The following ZNF438 variants were observed in gnomAD, a reference collection of about 807,000 sequenced individuals.
The protein encoded by ZNF438 is zinc finger protein 438.
A neutral mutation model predicts 38.0 loss-of-function variants in ZNF438; 25 were observed. That is an observed-to-expected ratio of 0.66 (90% CI 0.48 to 0.92). The LOEUF is 0.92. Ranked by LOEUF, ZNF438 falls within the 40% of genes least tolerant of loss-of-function variation. ZNF438 has a pLI of 0.00. For synonymous variants in ZNF438, 372 were observed against 364.1 expected, an observed-to-expected ratio of 1.02 and a Z score of -0.25; for missense variants, 1,007 against 999.6, an observed-to-expected ratio of 1.01 and a Z score of -0.10.
intron 1 of ZNF438, among the ~76,000 whole-genome samples, chr10:30,967,564 GAATA>G (rs1050617178): frequency 2.5e-4 from 38 of 152,276 alleles, no homozygotes; most frequent in Non-Finnish European, 3.8e-4. Flanking sequence ...AACTACGAAT[GAATA>G]GATTCAAAAA....
chr10:30,921,115 T>C (rs953512452), intron 2 of ZNF438: 4 of 152,228 alleles, frequency 2.6e-5, no homozygotes, highest in African/African-American at 9.6e-5. Context: ...ATGCCCAAGA[T>C]TCTATTTACT....
rs12268981 is a variant in ZNF438, at chr10:31,003,729, T to C, written c.-192+28104A>G. Among the ~76,000 whole-genome samples, 715 of 152,306 alleles carry C rather than the reference T, an allele frequency of 4.7e-3. 8 individuals are homozygous for C. The highest frequency in any genetic ancestry group is 0.016 in the African/African-American group (674 of 41,568). ...ACAGTAGCCTCTTAACTGGTCTTCC[T>C]GCTTTCAGTCTTCCAAGTCATAGTC... On this transcript the variant is annotated intron_variant, in intron 1 of 5. Transcript: ENST00000413025.
At chr10:30,847,062 G>A (rs1221870211) in intron 5 of ZNF438, among the ~76,000 whole-genome samples, 2 of 152,322 alleles carry the variant, frequency 1.3e-5, no homozygotes, top group South Asian at 2.1e-4. Flanking sequence ...GCCTGCAGGT[G>A]CCCCCTCAGC....
intron 4 of ZNF438, among the ~76,000 whole-genome samples, chr10:30,854,947 CTT>C (rs1030696959): frequency 2.0e-5 from 3 of 152,186 alleles, no homozygotes; most frequent in African/African-American, 7.2e-5. Flanking sequence ...TCTCTAAAGA[CTT>C]AAGTTGGGAA....
chr10:30,878,226 G>A (rs372810137), intron 3 of ZNF438, among the ~76,000 whole-genome samples: 2 of 152,186 alleles, frequency 1.3e-5, no homozygotes, highest in East Asian at 3.9e-4. Context: ...CCAATCGAAT[G>A]TTGCCTTTTC....
chr10:30,941,147 T>C (rs545964424), intron 2 of ZNF438, among the ~76,000 whole-genome samples: 1 of 152,116 alleles, frequency 6.6e-6, no homozygotes, highest in Non-Finnish European at 1.5e-5. Flanking sequence ...TCTCAGCTCA[T>C]TGCAACCTCG....
At chr10:30,889,701 C>CAAGGATTATAGGTGTGAGCCACCGTGTCT (rs1564578116) in intron 3 of ZNF438, among the ~76,000 whole-genome samples, 1 of 152,110 alleles carries the variant, frequency 6.6e-6, no homozygotes, top group Admixed American at 6.5e-5. Flanking sequence ...CCACCGTGTC[C>CAAGGATTATAGGTGTGAGCCACCGTGTCT]GGCATCAACA....
Position 30,844,888 on chromosome 10 carries a change from C to T in ZNF438, c.*73G>A. ...TTGTTTGATCTTTGTGACTAAGCACCACCATAAAGCACGAAGCTCTGAAGG... is the reference window on the plus strand; with the variant it reads ...TTGTTTGATCTTTGTGACTAAGCACTACCATAAAGCACGAAGCTCTGAAGG... On this transcript the variant is annotated 3_prime_UTR_variant, in exon 6 of 6. Transcript: ENST00000413025. The T allele has an allele frequency of 9.2e-6, 14 of 1,526,690 alleles. 1 individual carries two copies. The South Asian group carries it at 1.7e-4, about 18-fold the overall frequency. 94.6% of individuals were successfully genotyped at this position (1,526,690 alleles called of 1,614,324 possible).
intron 4 of ZNF438, among the ~76,000 whole-genome samples, chr10:30,865,281 T>C (rs946086928): frequency 2.6e-5 from 4 of 152,238 alleles, no homozygotes; most frequent in Non-Finnish European, 5.9e-5. Flanking sequence ...AACTCACACA[T>C]AGCAATGCGC....
intron 3 of ZNF438, among the ~76,000 whole-genome samples, chr10:30,892,214 G>A (rs1053085482): frequency 2.1e-5 from 3 of 144,500 alleles, no homozygotes; most frequent in African/African-American, 5.5e-5. Flanking sequence ...TAAAACTGTG[G>A]ATAGTACGAA....
At chr10:30,925,754 T>C (rs536383062) in intron 2 of ZNF438, among the ~76,000 whole-genome samples, 2 of 152,262 alleles carry the variant, frequency 1.3e-5, no homozygotes, top group Non-Finnish European at 2.9e-5. Context: ...TCATGCTCTT[T>C]CCCCAGCTGC....
intron 1 of ZNF438, among the ~76,000 whole-genome samples, chr10:31,022,825 T>C (rs1192893270): frequency 6.6e-6 from 1 of 152,140 alleles, no homozygotes; most frequent in Non-Finnish European, 1.5e-5. Context: ...TCGACAACTA[T>C]TTGAAAGGAA....
chr10:30,982,099 C>CTTTTTT (rs538801257), intron 1 of ZNF438, among the ~76,000 whole-genome samples: 1 of 90,824 alleles, frequency 1.1e-5, no homozygotes, highest in African/African-American at 3.2e-5. Context: ...TTTTCTCTTT[C>CTTTTTT]TTTTTTTTTT....
intron 1 of ZNF438, among the ~76,000 whole-genome samples, chr10:31,011,983 C>T (rs746033996): frequency 5.9e-5 from 9 of 152,152 alleles, no homozygotes; most frequent in Non-Finnish European, 1.3e-4. Context: ...AAGCCCCTGC[C>T]AGGGCTTTGC....
intron 2 of ZNF438, among the ~76,000 whole-genome samples, chr10:30,913,869 C>T (rs1407582511): frequency 6.6e-6 from 1 of 152,122 alleles, no homozygotes; most frequent in Non-Finnish European, 1.5e-5. Context: ...AATGTTCCCA[C>T]TGGAACTATA....
intron 1 of ZNF438, among the ~76,000 whole-genome samples, chr10:31,017,476 T>C (rs1391309865): frequency 6.6e-6 from 1 of 152,230 alleles, no homozygotes; most frequent in Admixed American, 6.5e-5. Context: ...GCCAAACTTA[T>C]GGGATCTTTG....
intron 4 of ZNF438, among the ~76,000 whole-genome samples, chr10:30,867,321 AT>A (rs35278898): frequency 0.59 from 89,086 of 151,936 alleles, 26,379 homozygotes; most frequent in African/African-American, 0.62. Context: ...TCTTCTCATT[AT>A]TTTTTTTGCT....
intron 1 of ZNF438, among the ~76,000 whole-genome samples, chr10:30,953,852 A>G (rs183919060): frequency 3.9e-5 from 6 of 152,278 alleles, no homozygotes; most frequent in African/African-American, 1.2e-4. Context: ...GAAATAGAAA[A>G]GACAAAATAG....
chr10:30,866,209 T>C (rs1214611820), intron 4 of ZNF438, among the ~76,000 whole-genome samples: 1 of 152,212 alleles, frequency 6.6e-6, no homozygotes, highest in Non-Finnish European at 1.5e-5. Context: ...CTGCTGCATA[T>C]GGAAATAGGA....
Sources: allele counts gnomAD v4.1 joint callset (sites outside exome capture counted in the v4.1 genomes callset), GRCh38; gene constraint gnomAD v4.1.1; transcripts MANE v1.5; gene names NCBI Gene and HGNC (gene_info 2026-07-23, HGNC 2026-07-21).